Variants in DAAM1 observed in about 807,000 individuals in gnomAD.
DAAM1 encodes the protein dishevelled associated activator of morphogenesis 1, also known as disheveled-associated activator of morphogenesis 1.
DAAM1 carries 52 observed loss-of-function variants against 130.0 expected under a neutral mutation model. That is an observed-to-expected ratio of 0.40 (90% confidence interval 0.32 to 0.50). The LOEUF (loss-of-function observed/expected upper bound fraction) is 0.50, where lower values mean the gene tolerates loss of function less well. Ranked by LOEUF, DAAM1 falls within the 20% of genes least tolerant of loss-of-function variation. The pLI is 0.61. For synonymous variants in DAAM1, 452 were observed against 444.5 expected, an observed-to-expected ratio of 1.02 and a Z score of -0.21; for missense variants, 1,134 against 1,303.8, an observed-to-expected ratio of 0.87 and a Z score of 2.01.
Position 59,369,277 on chromosome 14 carries a change from GT to G in DAAM1, c.*421del, listed in dbSNP as rs1253441022. ...AAAAAAGCTTGCAAAATATTTTATG[GT>G]TTCCAAGCTTGATATCCTTTAAAAT... is the stretch of plus-strand genomic sequence containing the variant. On this transcript the variant is annotated 3_prime_UTR_variant, in exon 25 of 25. Coordinates refer to ENST00000360909, the MANE Select transcript of DAAM1 (RefSeq NM_001270520.2). 3 of 154,092 alleles carry G rather than the reference GT, an allele frequency of 1.9e-5. No homozygotes were observed. Among genetic ancestry groups the G allele is most frequent in the African/African-American group, 7.2e-5 (3 of 41,484 alleles). The allele number at this position is 154,092 out of a possible 1,614,324, so 9.5% of individuals were successfully genotyped here.
At chr14:59,351,832 G>A (rs1274000665) in intron 17 of DAAM1, among the ~76,000 whole-genome samples, 1 of 151,948 alleles carries the variant, frequency 6.6e-6, no homozygotes, top group Non-Finnish European at 1.5e-5. Context: ...TCCAAAACGT[G>A]TGTACCTTGA....
chr14:59,223,309 T>A (rs566690215), intron 1 of DAAM1, among the ~76,000 whole-genome samples: 3 of 152,310 alleles, frequency 2.0e-5, no homozygotes, highest in Non-Finnish European at 4.4e-5. Context: ...AATACCCAAT[T>A]CATGATGGGC....
chr14:59,242,311 A>G (rs543741281), intron 1 of DAAM1, among the ~76,000 whole-genome samples: 26 of 152,302 alleles, frequency 1.7e-4, no homozygotes, highest in African/African-American at 5.5e-4. Flanking sequence ...TTCCATTATT[A>G]TATGCCTAGT....
At chr14:59,323,942 G>T (rs1046752808) in intron 6 of DAAM1, among the ~76,000 whole-genome samples, 186 bp from the exon 7 acceptor site, 2 of 151,908 alleles carry the variant, frequency 1.3e-5, no homozygotes, top group Non-Finnish European at 2.9e-5. Flanking sequence ...TGAGGCAAGA[G>T]AATGGCGTGA....
chr14:59,359,702 ATACTGCATG>A (rs1230381251), intron 21 of DAAM1, among the ~76,000 whole-genome samples, 198 bp downstream of exon 21: 8 of 152,248 alleles, frequency 5.3e-5, no homozygotes, highest in African/African-American at 1.9e-4. Context: ...CTTCTTTGGA[ATACTGCATG>A]CAATTTTTAA....
chr14:59,268,495 C>T (rs986032922), intron 2 of DAAM1, among the ~76,000 whole-genome samples: 2 of 152,142 alleles, frequency 1.3e-5, no homozygotes, highest in Non-Finnish European at 2.9e-5. Context: ...ACGTCTTTGC[C>T]AACACTTGTT....
At chr14:59,366,379 C>T (rs1399472840) in intron 23 of DAAM1, among the ~76,000 whole-genome samples, 1 of 152,118 alleles carries the variant, frequency 6.6e-6, no homozygotes, top group African/African-American at 2.4e-5. Context: ...AATATCTTAA[C>T]AATAGCAGCA....
chr14:59,236,255 TC>T (rs775227256), intron 1 of DAAM1, among the ~76,000 whole-genome samples: 2 of 152,046 alleles, frequency 1.3e-5, no homozygotes, highest in Non-Finnish European at 2.9e-5. Context: ...TAGTTTTCTA[TC>T]TAGTAGGTGT....
intron 17 of DAAM1, among the ~76,000 whole-genome samples, chr14:59,348,658 T>C (rs1458007484): frequency 6.6e-6 from 1 of 152,236 alleles, no homozygotes; most frequent in East Asian, 1.9e-4. Context: ...AGGTGTGCCC[T>C]GTTCCAAGAG....
chr14:59,330,390 A>G (rs1022018012), intron 12 of DAAM1, 111 bp from the exon 13 acceptor site: 11 of 982,632 alleles, frequency 1.1e-5, no homozygotes, highest in Middle Eastern at 2.2e-4. Flanking sequence ...ATATTTACCT[A>G]ATAAAGATCC....
intron 15 of DAAM1, among the ~76,000 whole-genome samples, chr14:59,339,778 AC>A (rs1885772614): frequency 6.6e-6 from 1 of 152,204 alleles, no homozygotes; most frequent in Admixed American, 6.5e-5. Flanking sequence ...AAAGGAGGGC[AC>A]CACTCACTGA....
intron 22 of DAAM1, 57 bp downstream of exon 22, chr14:59,360,919 G>A (rs1370407110): frequency 6.5e-7 from 1 of 1,540,146 alleles, no homozygotes; most frequent in African/African-American, 1.4e-5. Context: ...CTCTAGTGCT[G>A]GTGGTTTTCA....
At chr14:59,345,469 G>A (rs1022076553) in intron 16 of DAAM1, among the ~76,000 whole-genome samples, 1 of 152,194 alleles carries the variant, frequency 6.6e-6, no homozygotes, top group Non-Finnish European at 1.5e-5. Context: ...AGAATGGTAT[G>A]AGTACAGTAG....
intron 2 of DAAM1, among the ~76,000 whole-genome samples, chr14:59,287,123 G>A (rs1883498152): frequency 1.3e-5 from 2 of 152,086 alleles, no homozygotes; most frequent in African/African-American, 4.8e-5. Flanking sequence ...ATGCAAAGTT[G>A]GTTTAACATA....
chr14:59,299,097 C>T (rs1884070749), intron 3 of DAAM1, among the ~76,000 whole-genome samples: 1 of 152,184 alleles, frequency 6.6e-6, no homozygotes, highest in Non-Finnish European at 1.5e-5. Context: ...TAGAGTCCTC[C>T]TTAGGGATGG....
Position 59,363,923 on chromosome 14 carries a change from C to T in DAAM1, c.2826+141C>T, listed in dbSNP as rs140256604. On this transcript the variant is annotated intron_variant, in intron 23 of 24. Transcript: ENST00000360909. ...CAGGAAATAAAGTAGTAGATAATTA[C>T]TTTCCAGATTCCATTGTTTTGCATG... 10 of 1,236,212 alleles carry T rather than the reference C, an allele frequency of 8.1e-6. No individual in the cohort carries two copies. In the African/African-American group the frequency reaches 1.4e-4, roughly 17 times the overall value. The allele number at this position is 1,236,212 out of a possible 1,614,324, so 76.6% of individuals were successfully genotyped here.
intron 1 of DAAM1, among the ~76,000 whole-genome samples, chr14:59,227,512 A>G (rs1174935879): frequency 6.6e-6 from 1 of 152,218 alleles, no homozygotes; most frequent in Non-Finnish European, 1.5e-5. Flanking sequence ...AATTTGTTCC[A>G]ACACCTAATA....
intron 6 of DAAM1, among the ~76,000 whole-genome samples, chr14:59,323,478 A>AGGAT (rs1480748228): frequency 1.3e-5 from 2 of 152,230 alleles, no homozygotes; most frequent in African/African-American, 4.8e-5. Context: ...TATGTCATAT[A>AGGAT]GCACACATCT....
chr14:59,339,386 A>C (rs1214075919), intron 15 of DAAM1, among the ~76,000 whole-genome samples: 1 of 152,218 alleles, frequency 6.6e-6, no homozygotes, highest in Non-Finnish European at 1.5e-5. Context: ...TCACTCTAAC[A>C]GTATATTATA....
Sources: allele counts gnomAD v4.1 joint callset (sites outside exome capture counted in the v4.1 genomes callset), GRCh38; gene constraint gnomAD v4.1.1; transcripts MANE v1.5; gene names NCBI Gene and HGNC (gene_info 2026-07-23, HGNC 2026-07-21).